The following GABRG3 variants were observed in gnomAD, a reference collection of about 807,000 sequenced individuals.
GABRG3 encodes gamma-aminobutyric acid receptor subunit gamma-3.
Under a neutral mutation model 48.8 loss-of-function variants are expected in GABRG3, and 25 were observed. That is an observed-to-expected ratio of 0.51 (90% CI 0.37 to 0.72). The LOEUF is 0.72. GABRG3 is among the 30% of genes least tolerant of loss of function. The pLI, the probability that GABRG3 is intolerant of heterozygous loss-of-function variation, is 0.00. For synonymous variants in GABRG3, 227 were observed against 217.6 expected, an observed-to-expected ratio of 1.04 and a Z score of -0.38; for missense variants, 394 against 577.9, an observed-to-expected ratio of 0.68 and a Z score of 3.26.
intron 5 of GABRG3, among the ~76,000 whole-genome samples, chr15:27,471,850 T>C (rs1889797246): frequency 6.6e-6 from 1 of 152,164 alleles, no homozygotes; most frequent in Admixed American, 6.5e-5. Flanking sequence ...CAATACACAA[T>C]AGGTTTAGTG....
At position 27,165,617 on chromosome 15, in the gene GABRG3, CAT is replaced by C. The variant is rs1595561998; in HGVS notation, c.270+138797_270+138798del. On this transcript the variant is annotated intron_variant, in intron 3 of 9. Transcript: ENST00000615808. ...TCATTTCTGCTTGCTTTCTCTTTAA[CAT>C]GTGTGCTCTAGCATTCTGTCTCCCC... Among the ~76,000 whole-genome samples, 5 of 152,108 alleles carry C rather than the reference CAT, an allele frequency of 3.3e-5. No individual in the cohort carries two copies. In the South Asian group the frequency reaches 1.0e-3, roughly 32 times the overall value.
chr15:27,330,051 C>G (rs1051130447), intron 5 of GABRG3, among the ~76,000 whole-genome samples: 2 of 152,082 alleles, frequency 1.3e-5, no homozygotes, highest in African/African-American at 4.8e-5. Flanking sequence ...ATCATCCTGG[C>G]TAACACGGTG....
At chr15:27,041,641 C>T (rs549008409) in intron 3 of GABRG3, among the ~76,000 whole-genome samples, 1 of 152,322 alleles carries the variant, frequency 6.6e-6, no homozygotes, top group African/African-American at 2.4e-5. Context: ...CCATATTATT[C>T]GTAGTGTGTT....
At chr15:27,428,638 G>T (rs1437971123) in intron 5 of GABRG3, among the ~76,000 whole-genome samples, 1 of 152,134 alleles carries the variant, frequency 6.6e-6, no homozygotes, top group Non-Finnish European at 1.5e-5. Context: ...TAGGGGGGTT[G>T]TCCCTCCCAG....
At chr15:27,210,827 A>G (rs1361553017) in intron 3 of GABRG3, among the ~76,000 whole-genome samples, 1 of 152,108 alleles carries the variant, frequency 6.6e-6, no homozygotes, top group Admixed American at 6.5e-5. Flanking sequence ...CTGTGTGAGC[A>G]TTTTGCTTGA....
intron 3 of GABRG3, among the ~76,000 whole-genome samples, chr15:27,138,662 G>T (rs1408646504): frequency 6.6e-6 from 1 of 152,184 alleles, no homozygotes; most frequent in African/African-American, 2.4e-5. Context: ...GACGTCCTTT[G>T]TGCCAATCCC....
At chr15:27,243,486 G>T (rs1890188556) in intron 3 of GABRG3, among the ~76,000 whole-genome samples, 1 of 152,072 alleles carries the variant, frequency 6.6e-6, no homozygotes, top group Non-Finnish European at 1.5e-5. Flanking sequence ...GCAAACGGAA[G>T]AGGGCATTCC....
intron 3 of GABRG3, among the ~76,000 whole-genome samples, chr15:27,047,017 T>C (rs537958257): frequency 2.6e-5 from 4 of 152,310 alleles, no homozygotes; most frequent in Admixed American, 2.0e-4. Context: ...TGAAAGACGA[T>C]GTAAGATAAT....
In GABRG3 at chr15:27,530,591, A is replaced by C. The variant is rs150200811; in HGVS notation, c.1123-2009A>C. 3.0e-4 allele frequency: 143 copies of C among 470,942 alleles called. 1 individual carries two copies. Among genetic ancestry groups the C allele is most frequent in the African/African-American group, 2.6e-3 (128 of 50,194 alleles). 29.2% of individuals were successfully genotyped at this position (470,942 alleles called of 1,614,324 possible). On this transcript the variant is annotated intron_variant, in intron 9 of 9. Coordinates refer to ENST00000615808, the MANE Select transcript of GABRG3 (RefSeq NM_033223.5). Reference sequence around the variant, plus strand: ...TTTTTTGGCTCCCTAAATGAAGTGAAATGGAGGTTTCTCTTGCTCCAGAAG... The same window carrying C: ...TTTTTTGGCTCCCTAAATGAAGTGACATGGAGGTTTCTCTTGCTCCAGAAG...
intron 3 of GABRG3, among the ~76,000 whole-genome samples, chr15:27,103,939 T>G (rs991496105): frequency 3.3e-4 from 51 of 152,314 alleles, no homozygotes; most frequent in African/African-American, 1.2e-3. Flanking sequence ...TTTCCCATGG[T>G]GAGGATTTTC....
At chr15:27,371,742 C>T (rs1436824092) in intron 5 of GABRG3, among the ~76,000 whole-genome samples, 1 of 152,164 alleles carries the variant, frequency 6.6e-6, no homozygotes, top group Non-Finnish European at 1.5e-5. Flanking sequence ...AATCTCAGTT[C>T]TGTGCAAACA....
intron 5 of GABRG3, among the ~76,000 whole-genome samples, chr15:27,331,801 T>A (rs146609635): frequency 1.5e-3 from 229 of 152,276 alleles, no homozygotes; most frequent in African/African-American, 5.3e-3. Flanking sequence ...AAGGAGTACT[T>A]GGGAATTCTG....
chr15:27,294,547 A>C, intron 3 of GABRG3, among the ~76,000 whole-genome samples: 1 of 152,104 alleles, frequency 6.6e-6, no homozygotes, highest in East Asian at 1.9e-4. Flanking sequence ...TGGTTCACCA[A>C]TGTCATTTCT....
At chr15:27,421,577 A>G (rs1016697908) in intron 5 of GABRG3, among the ~76,000 whole-genome samples, 41 of 151,832 alleles carry the variant, frequency 2.7e-4, no homozygotes, top group Admixed American at 1.2e-3. Context: ...TAAGGCATCC[A>G]TGGGAGTGGG....
chr15:27,234,927 G>A (rs1483025555), intron 3 of GABRG3, among the ~76,000 whole-genome samples: 2 of 152,146 alleles, frequency 1.3e-5, no homozygotes, highest in African/African-American at 4.8e-5. Context: ...AAAGGGGGTT[G>A]CTGTCAGGGT....
In GABRG3 at chr15:27,307,819, AAT is replaced by A. The variant is rs1468367607; in HGVS notation, c.271-18988_271-18987del. ...ATAAAATAAACATAAACATATATAA[AAT>A]AAACATAAACATATATAAAATAAAC... On this transcript the variant is annotated intron_variant, in intron 3 of 9. Transcript: ENST00000615808. Among the ~76,000 whole-genome samples the A allele has an allele frequency of 1.4e-4, 13 of 91,474 alleles. No individual in the cohort carries two copies. In the South Asian group the frequency reaches 2.5e-3, roughly 18 times the overall value. 60.0% of individuals were successfully genotyped at this position (91,474 alleles called of 152,430 possible).
rs890879151 is a variant in GABRG3, at chr15:26,976,622, C to T, written c.54-380C>T. On this transcript the variant is annotated intron_variant, in intron 1 of 9. Coordinates refer to ENST00000615808, the MANE Select transcript of GABRG3 (RefSeq NM_033223.5). This position sits in a 1 kb window ranked among gnomAD's most constrained non-coding sequence, Gnocchi z 7.8. The stretch of plus-strand genomic sequence containing the variant: ...GGTGGAAACACCACGATGCAGTCAC[C>T]ATATAGAAAACCTCTAGAAGGTTTG... Among the ~76,000 whole-genome samples the T allele has an allele frequency of 2.6e-5, 4 of 152,116 alleles. No individual in the cohort carries two copies. Among genetic ancestry groups the T allele is most frequent in the African/African-American group, 7.2e-5 (3 of 41,420 alleles).
chr15:27,410,816 A>AAG (rs561499878), intron 5 of GABRG3, among the ~76,000 whole-genome samples: 1 of 145,614 alleles, frequency 6.9e-6, no homozygotes, highest in South Asian at 2.2e-4. Context: ...AGGTTGGTGA[A>AAG]AGAGAGAGAG....
At chr15:27,186,462 G>A (rs1203787073) in intron 3 of GABRG3, among the ~76,000 whole-genome samples, 1 of 152,164 alleles carries the variant, frequency 6.6e-6, no homozygotes. Flanking sequence ...GAATAGTGCT[G>A]TGATAAACAT....
Sources: gnomAD v4.1 joint callset for allele counts (sites outside exome capture counted in the v4.1 genomes callset) on GRCh38, gnomAD v4.1.1 for gene constraint, Gnocchi (gnomAD v3.1) non-coding constraint, MANE v1.5 for transcripts, NCBI Gene and HGNC (gene_info 2026-07-23, HGNC 2026-07-21) for gene names.